CCDC180: variants seen among roughly 807,000 people sequenced by gnomAD.
CCDC180 encodes the protein coiled-coil domain-containing protein 180.
A neutral mutation model predicts 209.2 loss-of-function variants in CCDC180; 154 were observed. That is an observed-to-expected ratio of 0.74 (90% CI 0.65 to 0.84). The LOEUF is 0.84. Among genes scored for constraint, CCDC180 ranks in the 40% least tolerant of loss-of-function variants. The pLI, the probability that CCDC180 is intolerant of heterozygous loss-of-function variation, is 0.00. For missense variants in CCDC180, 1,874 were observed against 1,997.3 expected (o/e 0.94, Z 1.18); for synonymous variants, 778 against 749.1 (o/e 1.04, Z -0.63).
upstream of CCDC180, chr9:97,307,627 C>G (rs1832836643): frequency 9.8e-7 from 1 of 1,023,886 alleles, no homozygotes. Flanking sequence ...AATTCTGCGC[C>G]GCATTAGAGT....
intron 3 of CCDC180, 107 bp downstream of exon 3, chr9:97,309,711 A>C: frequency 6.0e-5 from 53 of 885,362 alleles, no homozygotes; most frequent in Middle Eastern, 3.3e-4. Flanking sequence ...ATGAAGTCTC[A>C]AGTACCACCC....
intron 5 of CCDC180, among the ~76,000 whole-genome samples, chr9:97,314,113 T>C (rs1036742543): frequency 7.9e-5 from 12 of 152,234 alleles, no homozygotes; most frequent in Admixed American, 6.5e-5. Context: ...TTTGGCCACG[T>C]CTTTAATGAA....
intron 34 of CCDC180, 28 bp from the exon 35 acceptor site, chr9:97,374,515 C>T: frequency 6.5e-7 from 1 of 1,545,734 alleles, no homozygotes; most frequent in Non-Finnish European, 8.9e-7. Context: ...GGTGAGGCTG[C>T]AGTCACTAGC....
At chr9:97,330,103 C>CAGA in intron 16 of CCDC180, 51 bp from the exon 17 acceptor site, 1 of 1,070,652 alleles carries the variant, frequency 9.3e-7, no homozygotes, top group Non-Finnish European at 1.4e-6. Flanking sequence ...GGGGGGCACT[C>CAGA]TGAAGAAAGG....
At chr9:97,346,501 T>C (rs1427689227) in intron 19 of CCDC180, among the ~76,000 whole-genome samples, 1 of 152,234 alleles carries the variant, frequency 6.6e-6, no homozygotes, top group Non-Finnish European at 1.5e-5. Context: ...ATGACCTTCA[T>C]GTCCCTAGTA....
At chr9:97,307,627 C>T, upstream of CCDC180, 2 of 1,024,004 alleles carry the variant, frequency 2.0e-6, no homozygotes, top group Admixed American at 1.9e-5. Flanking sequence ...AATTCTGCGC[C>T]GCATTAGAGT....
At chr9:97,315,009 G>A in intron 8 of CCDC180, 63 bp downstream of exon 8, 2 of 1,277,192 alleles carry the variant, frequency 1.6e-6, no homozygotes, top group Non-Finnish European at 2.3e-6. Flanking sequence ...GGAACCCAGG[G>A]CACCCCGAGC....
chr9:97,309,429 T>TC lies in CCDC180; in HGVS notation c.88dup (p.Leu30ProfsTer30), dbSNP rs1376050624. ...CTGGATTCAGGTGCAGCTGGTCCAC[T>TC]CCCTGGCGGCCACCAGGAAGCGGGC... On this transcript the variant is annotated frameshift_variant, in exon 3 of 37. Coordinates refer to ENST00000529487, the MANE Select transcript of CCDC180 (RefSeq NM_020893.6). LOFTEE classifies it high-confidence loss of function. 1 of 1,599,430 alleles carries TC rather than the reference T, an allele frequency of 6.3e-7. No homozygotes were observed. The highest frequency in any genetic ancestry group is 1.4e-5 in the African/African-American group (1 of 73,992).
At chr9:97,324,107 T>C (rs1391424901) in intron 13 of CCDC180, among the ~76,000 whole-genome samples, 3 of 152,066 alleles carry the variant, frequency 2.0e-5, no homozygotes, top group Admixed American at 1.3e-4. Flanking sequence ...CCCACTGACA[T>C]GGGTGCTGCG....
In CCDC180 at chr9:97,377,099, A is replaced by G; in HGVS notation, c.*205A>G. 1 of 439,822 alleles carries G rather than the reference A, an allele frequency of 2.3e-6. No individual in the cohort carries two copies. The highest frequency in any genetic ancestry group is 3.9e-6 in the Non-Finnish European group (1 of 253,316). The allele number at this position is 439,822 out of a possible 1,614,324, so 27.2% of individuals were successfully genotyped here. ...TCTTCCCATGAGGAAGGCAAGCATGAAAGGGGAATTCCACGTGGTTAGCAG... is the reference window on the plus strand; with the variant it reads ...TCTTCCCATGAGGAAGGCAAGCATGGAAGGGGAATTCCACGTGGTTAGCAG... On this transcript the variant is annotated 3_prime_UTR_variant, in exon 37 of 37. Transcript: ENST00000529487.
intron 18 of CCDC180, among the ~76,000 whole-genome samples, chr9:97,336,886 T>G (rs1411453485): frequency 2.6e-5 from 4 of 152,114 alleles, no homozygotes; most frequent in Admixed American, 6.6e-5. Context: ...CACATCCCTT[T>G]TAAGTTGGAT....
intron 10 of CCDC180, 113 bp downstream of exon 10, chr9:97,318,695 C>A: frequency 1.4e-6 from 2 of 1,418,460 alleles, no homozygotes; most frequent in Non-Finnish European, 1.9e-6. Context: ...CAGACCAACT[C>A]CCAGCTCTCT....
chr9:97,366,537 A>C lies in CCDC180; in HGVS notation c.4048-22A>C, dbSNP rs773769562. 18 of 1,612,386 alleles carry C rather than the reference A, an allele frequency of 1.1e-5. No homozygotes were observed. The highest frequency in any genetic ancestry group is 1.5e-5 in the Non-Finnish European group (18 of 1,179,228). ...AGAGTCCCATGGAGTCCTCACCCGC[A>C]CATGGTCACCCTCTCTGGCAGGAGT... On this transcript the variant is annotated intron_variant, in intron 30 of 36. Transcript: ENST00000529487. This position sits in a 1 kb window ranked among gnomAD's most constrained non-coding sequence, Gnocchi z 4.3.
At chr9:97,364,484 C>G (rs1027424374) in intron 29 of CCDC180, 1 of 230,760 alleles carries the variant, frequency 4.3e-6, no homozygotes, top group Non-Finnish European at 8.4e-6. Flanking sequence ...AGCTGTTCAA[C>G]TTAGTATAGC....
chr9:97,320,015 C>A, intron 10 of CCDC180, 111 bp from the exon 11 acceptor site: 1 of 823,936 alleles, frequency 1.2e-6, no homozygotes, highest in Non-Finnish European at 2.1e-6. Flanking sequence ...CTTTGTTCTT[C>A]AGTGTTTAAA....
intron 25 of CCDC180, 76 bp downstream of exon 25, chr9:97,357,801 C>A: frequency 8.1e-7 from 1 of 1,237,100 alleles, no homozygotes; most frequent in African/African-American, 1.5e-5. Context: ...AATAAATTTA[C>A]CTGTGTGTAT....
At chr9:97,320,762 T>G (rs1428804713) in intron 11 of CCDC180, among the ~76,000 whole-genome samples, 2 of 152,210 alleles carry the variant, frequency 1.3e-5, no homozygotes, top group Non-Finnish European at 2.9e-5. Flanking sequence ...CTGTAGCGTG[T>G]GTGCTGACTG....
chr9:97,330,704 G>T lies in CCDC180; in HGVS notation c.2211G>T (p.Lys737Asn), dbSNP rs1409160088. 6.2e-7 allele frequency: 1 copy of T among 1,608,662 alleles called. No homozygotes were observed. The highest frequency in any genetic ancestry group is 8.5e-7 in the Non-Finnish European group (1 of 1,179,264). Residue 737 changes from lysine to asparagine, a missense_variant, in exon 18 of 37, where the codon AAG (lysine) becomes AAT (asparagine). By Grantham distance (94) the Lys-to-Asn change is moderately conservative (BLOSUM62 0). Transcript: ENST00000529487. ...AGGAGGAAGAGGAGGAGGAGGAGAAGCTGGAGGAAGAGAAGGAGGAGAAGG... is the reference window on the plus strand; with the variant it reads ...AGGAGGAAGAGGAGGAGGAGGAGAATCTGGAGGAAGAGAAGGAGGAGAAGG... The part of the protein sequence containing the change: ...DEKEEEEEEE[K>N]LEEEKEEKEA...
chr9:97,343,547 T>G lies in CCDC180; in HGVS notation c.2482T>G (p.Leu828Val). 22 of 1,612,708 alleles carry G rather than the reference T, an allele frequency of 1.4e-5. No homozygotes were observed. Among genetic ancestry groups the G allele is most frequent in the Non-Finnish European group, 1.9e-5 (22 of 1,178,840 alleles). The change falls in exon 19 of 37, where the codon TTA becomes GTA. Residue 828 changes from leucine (L) to valine (V), a missense_variant. Leu to Val is a conservative substitution (Grantham distance 32). Transcript: ENST00000529487. The stretch of plus-strand genomic sequence containing the variant: ...AGTGACAATTCCATCGAGACTAATT[T>G]TAGAAATTAAGAAACAGTGAGTAAA... ...EQVTIPSRLI[L>V]EIKKQLRAGF...
Sources: gnomAD v4.1 joint callset for allele counts (sites outside exome capture counted in the v4.1 genomes callset) on GRCh38, gnomAD v4.1.1 for gene constraint, Gnocchi (gnomAD v3.1) non-coding constraint, MANE v1.5 for transcripts, NCBI Gene and HGNC (gene_info 2026-07-23, HGNC 2026-07-21) for gene names.